CREB5: variants seen among roughly 807,000 people sequenced by gnomAD.
CREB5 encodes cyclic AMP-responsive element-binding protein 5.
A neutral mutation model predicts 57.1 loss-of-function variants in CREB5; 19 were observed. The observed-to-expected ratio is 0.33, with a 90% confidence interval of 0.23 to 0.49. The LOEUF (loss-of-function observed/expected upper bound fraction) is 0.49, where lower values mean the gene tolerates loss of function less well. Ranked by LOEUF, CREB5 falls within the 20% of genes least tolerant of loss-of-function variation. The pLI is 0.99. For missense variants in CREB5, 579 were observed against 671.6 expected (o/e 0.86, Z 1.52); for synonymous variants, 238 against 238.3 (o/e 1.00, Z 0.01).
At chr7:28,702,962 G>T (rs540829091) in intron 5 of CREB5, among the ~76,000 whole-genome samples, 36 of 151,370 alleles carry the variant, frequency 2.4e-4, no homozygotes, top group African/African-American at 8.0e-4. Context: ...TCTAGGAAAT[G>T]AATGGAAGCT....
At chr7:28,648,895 T>C (rs966129439) in intron 5 of CREB5, among the ~76,000 whole-genome samples, 1 of 152,244 alleles carries the variant, frequency 6.6e-6, no homozygotes, top group Non-Finnish European at 1.5e-5. Context: ...TCTCTTCTTT[T>C]GCTCTCTTTC....
intron 1 of CREB5, among the ~76,000 whole-genome samples, chr7:28,320,478 G>T (rs539335750): frequency 6.6e-6 from 1 of 152,148 alleles, no homozygotes; most frequent in Non-Finnish European, 1.5e-5. Context: ...TTCAAGCTCC[G>T]CTTTACCAGG....
intron 3 of CREB5, among the ~76,000 whole-genome samples, chr7:28,504,282 C>T (rs1291125522): frequency 5.9e-5 from 9 of 152,226 alleles, no homozygotes; most frequent in Non-Finnish European, 1.3e-4. Flanking sequence ...GGTGTGCAAT[C>T]TCCATGGCCA....
intron 1 of CREB5, among the ~76,000 whole-genome samples, chr7:28,357,088 G>A (rs188990700): frequency 1.3e-4 from 20 of 152,166 alleles, no homozygotes; most frequent in Non-Finnish European, 2.4e-4. Flanking sequence ...CCTCGCTAAA[G>A]CCACAGAAGG....
chr7:28,501,152 A>G (rs1476504747), intron 3 of CREB5, among the ~76,000 whole-genome samples: 2 of 152,214 alleles, frequency 1.3e-5, no homozygotes, highest in East Asian at 3.9e-4. Flanking sequence ...CCTACCATAC[A>G]CCTAGATGTG....
intron 5 of CREB5, among the ~76,000 whole-genome samples, chr7:28,701,236 G>T (rs1455590978): frequency 6.6e-6 from 1 of 152,186 alleles, no homozygotes; most frequent in East Asian, 1.9e-4. Context: ...GACAAGTCTA[G>T]TTTCTGCGGG....
intron 1 of CREB5, among the ~76,000 whole-genome samples, chr7:28,378,297 A>AT (rs34363769): frequency 7.3e-5 from 11 of 150,792 alleles, no homozygotes; most frequent in East Asian, 1.9e-4. Flanking sequence ...AACTCCTGGG[A>AT]TTTTTTTTTT....
At chr7:28,318,577 T>G (rs760988449) in intron 1 of CREB5, among the ~76,000 whole-genome samples, 2 of 152,234 alleles carry the variant, frequency 1.3e-5, no homozygotes, top group African/African-American at 2.4e-5. Flanking sequence ...CTCCCTTCTC[T>G]GCTACAATGC....
chr7:28,598,686 C>A (rs1156697142), intron 5 of CREB5, among the ~76,000 whole-genome samples: 1 of 152,142 alleles, frequency 6.6e-6, no homozygotes, highest in Non-Finnish European at 1.5e-5. Flanking sequence ...TTGCCTCACT[C>A]TATCCATCAT....
At chr7:28,774,494 C>T (rs1292653685) in intron 7 of CREB5, among the ~76,000 whole-genome samples, 1 of 152,206 alleles carries the variant, frequency 6.6e-6, no homozygotes, top group East Asian at 1.9e-4. Context: ...CCTGCATTTA[C>T]AGTATGGACA....
chr7:28,742,532 C>A (rs936299456), intron 7 of CREB5, among the ~76,000 whole-genome samples: 14 of 151,836 alleles, frequency 9.2e-5, no homozygotes, highest in African/African-American at 3.4e-4. Flanking sequence ...CGCCACTGCA[C>A]TCCAGCCTGG....
intron 3 of CREB5, among the ~76,000 whole-genome samples, chr7:28,500,271 G>A (rs79747192): frequency 0.011 from 1,710 of 152,254 alleles, 20 homozygotes; most frequent in African/African-American, 0.038. Flanking sequence ...AGCAGGAAGC[G>A]GGGTCAGGAA....
chr7:28,706,126 G>A (rs868171842), intron 5 of CREB5, among the ~76,000 whole-genome samples: 2 of 152,202 alleles, frequency 1.3e-5, no homozygotes, highest in African/African-American at 2.4e-5. Context: ...AGGCCGAGGC[G>A]GGTAGATCAC....
intron 5 of CREB5, among the ~76,000 whole-genome samples, chr7:28,612,135 G>A (rs923243021): frequency 3.9e-5 from 6 of 152,132 alleles, no homozygotes; most frequent in African/African-American, 1.2e-4. Context: ...TCTCCAGGTA[G>A]CAATGACCTT....
chr7:28,541,626 C>T (rs1281620066), intron 4 of CREB5, among the ~76,000 whole-genome samples: 2 of 152,162 alleles, frequency 1.3e-5, no homozygotes, highest in African/African-American at 4.8e-5. Context: ...AAGATCACAC[C>T]ATGCACTCCA....
intron 5 of CREB5, among the ~76,000 whole-genome samples, chr7:28,653,397 G>A (rs978831522): frequency 5.3e-5 from 8 of 152,122 alleles, no homozygotes; most frequent in African/African-American, 1.4e-4. Flanking sequence ...CAGCATGAAG[G>A]CAAGTAGTGT....
At chr7:28,318,770 C>T (rs750996358) in intron 1 of CREB5, among the ~76,000 whole-genome samples, 1 of 152,268 alleles carries the variant, frequency 6.6e-6, no homozygotes, top group South Asian at 2.1e-4. Flanking sequence ...AGAATATCAT[C>T]GTAAATACAG....
intron 4 of CREB5, among the ~76,000 whole-genome samples, chr7:28,535,271 A>G (rs1243390662): frequency 7.6e-6 from 1 of 131,294 alleles, no homozygotes; most frequent in Non-Finnish European, 1.7e-5. Flanking sequence ...CTGGCTGCAA[A>G]TAGTCCTCTG....
chr7:28,814,473 A>G (rs1329826413), intron 9 of CREB5, among the ~76,000 whole-genome samples: 2 of 152,342 alleles, frequency 1.3e-5, no homozygotes, highest in East Asian at 1.9e-4. Flanking sequence ...AATCTGCCCT[A>G]CTAAGATTTA....
Sources: allele counts gnomAD v4.1 joint callset (sites outside exome capture counted in the v4.1 genomes callset), GRCh38; gene constraint gnomAD v4.1.1; transcripts MANE v1.5; gene names NCBI Gene and HGNC (gene_info 2026-07-23, HGNC 2026-07-21).